INPP4B: variants seen among roughly 807,000 people sequenced by gnomAD.
INPP4B encodes inositol polyphosphate-4-phosphatase type II B, also known as inositol polyphosphate 4-phosphatase type II.
A neutral mutation model predicts 122.5 loss-of-function variants in INPP4B; 55 were observed. The observed-to-expected ratio is 0.45, with a 90% CI of 0.36 to 0.56. The LOEUF (loss-of-function observed/expected upper bound fraction) is 0.56, where lower values mean the gene tolerates loss of function less well. Ranked by LOEUF, INPP4B falls within the 20% of genes least tolerant of loss-of-function variation. The pLI, the probability that INPP4B is intolerant of heterozygous loss-of-function variation, is 0.00. For synonymous variants in INPP4B, 403 were observed against 388.7 expected (o/e 1.04, Z -0.43); for missense variants, 1,000 against 1,097.7 (o/e 0.91, Z 1.26).
Position 142,027,115 on chromosome 4 carries a change from C to G in INPP4B, c.*1667G>C, listed in dbSNP as rs574406983. On this transcript the variant is annotated 3_prime_UTR_variant, in exon 26 of 26. Coordinates refer to ENST00000262992, the MANE Select transcript of INPP4B (RefSeq NM_001101669.3). ...AGGTAATTTTGTCTATGAATGGATT[C>G]AAAGTACACAGCACATTTTCATTAA... is the stretch of plus-strand genomic sequence containing the variant. 5.9e-5 allele frequency: 9 copies of G among 152,204 alleles called. No individual in the cohort carries two copies. Among genetic ancestry groups the G allele is most frequent in the African/African-American group, 2.2e-4 (9 of 41,528 alleles). 9.4% of individuals were successfully genotyped at this position (152,204 alleles called of 1,614,324 possible).
intron 2 of INPP4B, among the ~76,000 whole-genome samples, chr4:142,495,513 A>C (rs1353659857): frequency 6.7e-6 from 1 of 150,276 alleles, no homozygotes; most frequent in Non-Finnish European, 1.5e-5. Context: ...ATAAATGGCA[A>C]ATATATATAT....
At chr4:142,218,654 T>A (rs1192760938) in intron 12 of INPP4B, among the ~76,000 whole-genome samples, 1 of 152,142 alleles carries the variant, frequency 6.6e-6, no homozygotes, top group Non-Finnish European at 1.5e-5. Context: ...AATACCATTT[T>A]AAAAAATAAA....
At chr4:142,828,507 C>T (rs905245909) in intron 1 of INPP4B, among the ~76,000 whole-genome samples, 1 of 152,086 alleles carries the variant, frequency 6.6e-6, no homozygotes, top group East Asian at 1.9e-4. Flanking sequence ...AAAGACTCTA[C>T]TTAGACAGAG....
intron 14 of INPP4B, among the ~76,000 whole-genome samples, chr4:142,206,794 T>A (rs1437892316): frequency 6.6e-6 from 1 of 152,106 alleles, no homozygotes; most frequent in Non-Finnish European, 1.5e-5. Context: ...TATTAACGTG[T>A]ATGTGTATAA....
intron 23 of INPP4B, among the ~76,000 whole-genome samples, chr4:142,091,399 A>G (rs1779470496): frequency 6.6e-6 from 1 of 152,216 alleles, no homozygotes; most frequent in Non-Finnish European, 1.5e-5. Context: ...GTCATTGACC[A>G]GTAATGGAAA....
At chr4:142,260,407 T>G (rs966156084) in intron 11 of INPP4B, 85 bp downstream of exon 11, 52 of 840,460 alleles carry the variant, frequency 6.2e-5, no homozygotes, top group Non-Finnish European at 9.5e-5. Context: ...CAAACAACTG[T>G]GAGAATGCTG....
chr4:142,743,473 T>C lies in INPP4B; in HGVS notation c.-253-17572A>G, dbSNP rs574588222. Reference sequence around the variant, plus strand: ...GAGCTATACTTGTCCAGGACAAGAATACATGAGGCATTTTAGAGAGTTACT... The same window carrying C: ...GAGCTATACTTGTCCAGGACAAGAACACATGAGGCATTTTAGAGAGTTACT... On this transcript the variant is annotated intron_variant, in intron 1 of 25. Coordinates refer to ENST00000262992, the MANE Select transcript of INPP4B (RefSeq NM_001101669.3). Among the ~76,000 whole-genome samples, 8 of 152,066 alleles carry C rather than the reference T, an allele frequency of 5.3e-5. 1 individual carries two copies. Among genetic ancestry groups the C allele is most frequent in the Admixed American group, 5.3e-4 (8 of 15,220 alleles).
At chr4:142,715,386 T>C (rs933589322) in intron 2 of INPP4B, among the ~76,000 whole-genome samples, 7 of 152,198 alleles carry the variant, frequency 4.6e-5, no homozygotes, top group Admixed American at 4.6e-4. Context: ...ATTCAAATAA[T>C]CACATGTGCC....
chr4:142,788,050 A>G (rs28685292), intron 1 of INPP4B, among the ~76,000 whole-genome samples: 4,470 of 152,186 alleles, frequency 0.029, 75 homozygotes, highest in Middle Eastern at 0.054. Context: ...GAAGCCTTAA[A>G]GCCAGCTTAT....
At chr4:142,493,580 C>T (rs990299120) in intron 2 of INPP4B, among the ~76,000 whole-genome samples, 1 of 152,160 alleles carries the variant, frequency 6.6e-6, no homozygotes, top group Admixed American at 6.5e-5. Context: ...AATGACTACC[C>T]TATTGGATTT....
intron 1 of INPP4B, among the ~76,000 whole-genome samples, chr4:142,783,192 C>T (rs1284916073): frequency 3.3e-5 from 5 of 152,092 alleles, no homozygotes; most frequent in African/African-American, 1.2e-4. Context: ...AGAGCTTCTG[C>T]ACAGCAAAAG....
chr4:142,198,464 A>T lies in INPP4B; in HGVS notation c.1073-5269T>A, dbSNP rs188495378. On this transcript the variant is annotated intron_variant, in intron 14 of 25. Coordinates refer to ENST00000262992, the MANE Select transcript of INPP4B (RefSeq NM_001101669.3). Reference sequence around the variant, plus strand: ...ATAGTTTTCATGTGTTCCTTTTTTTAAAAAAAAGAATACTTTTTTCTTAAG... The same window carrying T: ...ATAGTTTTCATGTGTTCCTTTTTTTTAAAAAAAGAATACTTTTTTCTTAAG... Among the ~76,000 whole-genome samples, 479 of 142,730 alleles carry T rather than the reference A, an allele frequency of 3.4e-3. 3 individuals are homozygous for T. Among genetic ancestry groups the T allele is most frequent in the African/African-American group, 0.012 (407 of 33,342 alleles). 93.6% of individuals were successfully genotyped at this position (142,730 alleles called of 152,430 possible).
chr4:142,550,814 T>C (rs1041279997), intron 2 of INPP4B, among the ~76,000 whole-genome samples: 8 of 152,048 alleles, frequency 5.3e-5, no homozygotes, highest in Admixed American at 4.6e-4. Flanking sequence ...GATATGCAAA[T>C]AAATTATCTG....
intron 25 of INPP4B, among the ~76,000 whole-genome samples, chr4:142,044,621 A>C (rs1371053654): frequency 1.3e-5 from 2 of 152,128 alleles, no homozygotes; most frequent in Non-Finnish European, 2.9e-5. Context: ...AAGAAAAAAA[A>C]ACACACAGAA....
chr4:142,185,037 A>G (rs1832546325), intron 15 of INPP4B, among the ~76,000 whole-genome samples: 1 of 152,166 alleles, frequency 6.6e-6, no homozygotes, highest in African/African-American at 2.4e-5. Flanking sequence ...GGAAGGAAGG[A>G]CGGTAATTAA....
intron 2 of INPP4B, among the ~76,000 whole-genome samples, chr4:142,537,429 T>TATATATATATATATATAG (rs1200701380): frequency 1.1e-3 from 27 of 25,486 alleles, no homozygotes; most frequent in Non-Finnish European, 2.0e-3. Flanking sequence ...TATATATATA[T>TATATATATATATATATAG]AGAGAGAGAG....
chr4:142,346,161 G>A (rs1158619996), intron 7 of INPP4B, among the ~76,000 whole-genome samples: 2 of 152,026 alleles, frequency 1.3e-5, no homozygotes, highest in African/African-American at 4.8e-5. Flanking sequence ...CTTAATTTAA[G>A]TAGACATGGT....
At chr4:142,720,735 T>A (rs891035581) in intron 2 of INPP4B, among the ~76,000 whole-genome samples, 2 of 90,716 alleles carry the variant, frequency 2.2e-5, no homozygotes, top group Non-Finnish European at 4.2e-5. Flanking sequence ...TATATACATA[T>A]ATATATATAT....
chr4:142,065,266 T>C (rs1161255920), intron 25 of INPP4B, among the ~76,000 whole-genome samples: 2 of 145,386 alleles, frequency 1.4e-5, no homozygotes, highest in East Asian at 2.0e-4. Flanking sequence ...CACACACACA[T>C]ACATAGTGAA....
Sources: allele counts gnomAD v4.1 joint callset (sites outside exome capture counted in the v4.1 genomes callset), GRCh38; gene constraint gnomAD v4.1.1; transcripts MANE v1.5; gene names NCBI Gene and HGNC (gene_info 2026-07-23, HGNC 2026-07-21).